The following SHISA9 variants were observed in gnomAD, a reference collection of about 807,000 sequenced individuals.
SHISA9 encodes shisa family member 9.
Under a neutral mutation model 38.0 loss-of-function variants are expected in SHISA9, and 13 were observed. That is an observed-to-expected ratio of 0.34 (90% CI 0.22 to 0.54). The LOEUF is 0.54. Ranked by LOEUF, SHISA9 falls within the 20% of genes least tolerant of loss-of-function variation. SHISA9 has a pLI of 0.91. For synonymous variants in SHISA9, 275 were observed against 242.0 expected (o/e 1.14, Z -1.27); for missense variants, 538 against 575.8 (o/e 0.93, Z 0.67).
chr16:12,950,431 C>A (rs2071739577), intron 2 of SHISA9, among the ~76,000 whole-genome samples: 1 of 152,116 alleles, frequency 6.6e-6, no homozygotes. Context: ...AATGAGAAAT[C>A]ATTTCACCCC....
At chr16:12,984,496 T>A (rs1394452174) in intron 2 of SHISA9, among the ~76,000 whole-genome samples, 1 of 152,098 alleles carries the variant, frequency 6.6e-6, no homozygotes, top group Non-Finnish European at 1.5e-5. Flanking sequence ...TCTCTAGAGG[T>A]GGGAAATGGG....
At chr16:13,114,366 T>A (rs1227209223) in intron 2 of SHISA9, among the ~76,000 whole-genome samples, 2 of 146,308 alleles carry the variant, frequency 1.4e-5, no homozygotes, top group Non-Finnish European at 3.0e-5. Context: ...CTCGGGAGGC[T>A]GAGGCAGCAG....
At chr16:12,962,165 T>G (rs2071920191) in intron 2 of SHISA9, among the ~76,000 whole-genome samples, 1 of 152,226 alleles carries the variant, frequency 6.6e-6, no homozygotes, top group African/African-American at 2.4e-5. Flanking sequence ...TGGTGCTGTC[T>G]GTTGTCATTT....
the SHISA9 span, among the ~76,000 whole-genome samples, chr16:13,403,610 A>G: frequency 2.0e-5 from 3 of 152,246 alleles, no homozygotes; most frequent in African/African-American, 7.2e-5. Flanking sequence ...GCAGCACTGA[A>G]TCACAGTATT....
Position 12,902,253 on chromosome 16 carries a change from G to T in SHISA9, c.189G>T (p.Ala63=). 1.9e-6 allele frequency: 3 copies of T among 1,545,432 alleles called. No homozygotes were observed. The highest frequency in any genetic ancestry group is 1.2e-5 in the South Asian group (1 of 84,006). Residue 63 remains alanine, a synonymous_variant, in exon 1 of 5, where the codon GCG becomes GCT. Coordinates refer to ENST00000558583, the MANE Select transcript of SHISA9 (RefSeq NM_001145204.3). The part of the protein sequence containing the change: ...EASEGAEASD[A]PPTRAPTPDF... ...GCGAGGGCGCTGAGGCATCGGACGC[G>T]CCCCCGACCCGGGCGCCCACGCCGG...
intron 2 of SHISA9, among the ~76,000 whole-genome samples, chr16:13,163,185 A>G (rs2050610211): frequency 6.6e-6 from 1 of 152,196 alleles, no homozygotes. Flanking sequence ...GTTTACACTA[A>G]AAAAGAAATG....
At chr16:13,141,839 C>T (rs2050404723) in intron 2 of SHISA9, among the ~76,000 whole-genome samples, 1 of 152,116 alleles carries the variant, frequency 6.6e-6, no homozygotes, top group Non-Finnish European at 1.5e-5. Context: ...AGGAAATAGG[C>T]AAGTCATGGG....
At chr16:13,176,442 T>G (rs746143139) in intron 2 of SHISA9, among the ~76,000 whole-genome samples, 1 of 152,236 alleles carries the variant, frequency 6.6e-6, no homozygotes, top group African/African-American at 2.4e-5. Context: ...TTTCCAGGTC[T>G]CACAGTCCAC....
At chr16:13,436,002 G>A in the SHISA9 span, among the ~76,000 whole-genome samples, 3 of 152,146 alleles carry the variant, frequency 2.0e-5, no homozygotes, top group Non-Finnish European at 2.9e-5. Context: ...AGTCACTGTT[G>A]GGGCACCCTT....
At chr16:13,317,461 T>C in the SHISA9 span, among the ~76,000 whole-genome samples, 135 of 152,272 alleles carry the variant, frequency 8.9e-4, 1 homozygote, top group Non-Finnish European at 1.8e-3. Flanking sequence ...TAAATTTTAT[T>C]ATTATTATAC....
intron 2 of SHISA9, among the ~76,000 whole-genome samples, chr16:13,012,521 C>G (rs2072691168): frequency 6.6e-6 from 1 of 152,154 alleles, no homozygotes; most frequent in African/African-American, 2.4e-5. Flanking sequence ...GACCAAACAA[C>G]TGGACAAGGA....
the SHISA9 span, among the ~76,000 whole-genome samples, chr16:13,355,038 G>T: frequency 6.7e-6 from 1 of 149,554 alleles, no homozygotes; most frequent in Non-Finnish European, 1.5e-5. Context: ...GAATAGTAAA[G>T]AAAGCATGTT....
At chr16:13,155,615 T>C (rs938928890) in intron 2 of SHISA9, among the ~76,000 whole-genome samples, 1 of 152,026 alleles carries the variant, frequency 6.6e-6, no homozygotes, top group Non-Finnish European at 1.5e-5. Context: ...TCTGTGTGCA[T>C]ACGTACATAT....
the SHISA9 span, among the ~76,000 whole-genome samples, chr16:13,375,509 C>G: frequency 6.6e-6 from 1 of 152,106 alleles, no homozygotes; most frequent in Non-Finnish European, 1.5e-5. Flanking sequence ...TCTGAGAGCT[C>G]TGTTCTGTTC....
intron 3 of SHISA9, among the ~76,000 whole-genome samples, chr16:13,205,414 T>C (rs1446795634): frequency 6.6e-6 from 1 of 152,180 alleles, no homozygotes; most frequent in Non-Finnish European, 1.5e-5. Context: ...AGAGGAGAGA[T>C]TTTAAAGCCA....
At chr16:13,366,195 G>C in the SHISA9 span, among the ~76,000 whole-genome samples, 1 of 152,114 alleles carries the variant, frequency 6.6e-6, no homozygotes, top group Non-Finnish European at 1.5e-5. Context: ...TTATTTAAGT[G>C]GCTTGTATCA....
the SHISA9 span, among the ~76,000 whole-genome samples, chr16:13,314,265 G>A: frequency 6.6e-6 from 1 of 151,254 alleles, no homozygotes; most frequent in African/African-American, 2.4e-5. Context: ...CCAGGCTGGA[G>A]TGCAATGGCA....
chr16:13,168,844 T>C (rs934742002), intron 2 of SHISA9, among the ~76,000 whole-genome samples: 6 of 152,228 alleles, frequency 3.9e-5, no homozygotes, highest in African/African-American at 1.4e-4. Flanking sequence ...TCAGCTCTTA[T>C]TTGTTTACCT....
intron 3 of SHISA9, among the ~76,000 whole-genome samples, chr16:13,205,948 G>A (rs1202942989): frequency 2.8e-5 from 4 of 144,790 alleles, no homozygotes; most frequent in Non-Finnish European, 4.5e-5. Context: ...TTTTTTTTAA[G>A]TAGAGATGGG....
Sources: allele counts gnomAD v4.1 joint callset (sites outside exome capture counted in the v4.1 genomes callset), GRCh38; gene constraint gnomAD v4.1.1; transcripts MANE v1.5; gene names NCBI Gene and HGNC (gene_info 2026-07-23, HGNC 2026-07-21).